The following RNF166 variants were observed in gnomAD, a reference collection of about 807,000 sequenced individuals.
The protein encoded by RNF166 is ring finger protein 166, also known as E3 ubiquitin-protein ligase RNF166.
RNF166 carries 19 observed loss-of-function variants against 29.4 expected under a neutral mutation model. That is an observed-to-expected ratio of 0.65 (90% confidence interval 0.45 to 0.95). The LOEUF is 0.95. Ranked by LOEUF, RNF166 falls within the 40% of genes least tolerant of loss-of-function variation. RNF166 has a pLI of 0.00. For missense variants in RNF166, 347 were observed against 322.1 expected (o/e 1.08, Z -0.59); for synonymous variants, 171 against 134.5 (o/e 1.27, Z -1.88).
intron 5 of RNF166, chr16:88,698,123 G>T: frequency 1.7e-6 from 1 of 588,308 alleles, no homozygotes; most frequent in Non-Finnish European, 3.0e-6. Flanking sequence ...TGCCTGACCC[G>T]CGGCGGGTGG....
At chr16:88,699,215 T>A (rs911313941) in intron 3 of RNF166, 130 bp from the exon 4 acceptor site, 1 of 708,730 alleles carries the variant, frequency 1.4e-6, no homozygotes, top group African/African-American at 1.7e-5. Context: ...AGTGGCTGGG[T>A]GCCCCCCGTG....
chr16:88,698,537 G>T lies in RNF166; in HGVS notation c.613C>A (p.Leu205Ile). 6.4e-7 allele frequency: 1 copy of T among 1,574,150 alleles called. No individual in the cohort carries two copies. Among genetic ancestry groups the T allele is most frequent in the Non-Finnish European group, 8.6e-7 (1 of 1,159,510 alleles). Residue 205 changes from leucine to isoleucine, a missense_variant, in exon 5 of 6, where the codon CTT (leucine) becomes ATT (isoleucine). Leu to Ile is a conservative substitution (Grantham distance 5). Transcript: ENST00000312838. ...TCGTAGGAGAACTTGTGTCGGTGAA[G>T]CAGGTGCTGCAGGAAGTTGGCGCTC... ...YKSANFLQHL[L>I]HRHKFSYDTF... is the part of the protein sequence containing the mutation.
chr16:88,704,367 C>T (rs1910556622), intron 1 of RNF166: 1 of 985,386 alleles, frequency 1.0e-6, no homozygotes, highest in Non-Finnish European at 1.2e-6. Context: ...GCAGGACCCG[C>T]GGTGAGACTA....
chr16:88,699,686 A>T lies in RNF166; in HGVS notation c.359T>A (p.Val120Asp). 1 of 1,613,382 alleles carries T rather than the reference A, an allele frequency of 6.2e-7. No individual in the cohort carries two copies. Among genetic ancestry groups the T allele is most frequent in the Non-Finnish European group, 8.5e-7 (1 of 1,179,882 alleles). Reference sequence around the variant, plus strand: ...GGGGCAGTTGGCCATCTGCTCCTGGACCTTCAGGCAGGACGAAATGTGCAC... The same window carrying T: ...GGGGCAGTTGGCCATCTGCTCCTGGTCCTTCAGGCAGGACGAAATGTGCAC... ...MRVHISSCLK[V>D]QEQMANCPKF... Residue 120 changes from valine to aspartate, a missense_variant, in exon 3 of 6, where the codon GTC becomes GAC. Physicochemically the swap from Val to Asp is radical, Grantham distance 152. Coordinates refer to ENST00000312838, the MANE Select transcript of RNF166 (RefSeq NM_178841.4).
chr16:88,700,994 C>T, intron 2 of RNF166: 1 of 1,351,416 alleles, frequency 7.4e-7, no homozygotes, highest in Non-Finnish European at 9.5e-7. Context: ...GGCCACAACC[C>T]ACGTGGGTTC....
At chr16:88,702,632 C>G (rs926265457) in intron 1 of RNF166, 9 of 931,818 alleles carry the variant, frequency 9.7e-6, no homozygotes, top group Non-Finnish European at 1.2e-5. Flanking sequence ...TTTGCCACCA[C>G]TGGATTCCCA....
intron 1 of RNF166, chr16:88,703,733 C>G: frequency 1.0e-6 from 1 of 985,494 alleles, no homozygotes; most frequent in Non-Finnish European, 1.2e-6. Flanking sequence ...CGTCGACAGC[C>G]TTACAAAGGG....
rs1243795083 is a variant in RNF166 at position 88,697,535 on chromosome 16, A to T, written c.*33T>A. ...CGACACAGGAGCGGGGACATCCCTGACCCCAGACGCAGGCGGGTGGCTGCG... is the reference window on the plus strand; with the variant it reads ...CGACACAGGAGCGGGGACATCCCTGTCCCCAGACGCAGGCGGGTGGCTGCG... On this transcript the variant is annotated 3_prime_UTR_variant, in exon 6 of 6. Coordinates refer to ENST00000312838, the MANE Select transcript of RNF166 (RefSeq NM_178841.4). The T allele has an allele frequency of 6.6e-7, 1 of 1,507,548 alleles. No homozygotes were observed. Among genetic ancestry groups the T allele is most frequent in the Non-Finnish European group, 9.0e-7 (1 of 1,110,952 alleles). The allele number at this position is 1,507,548 out of a possible 1,614,324, so 93.4% of individuals were successfully genotyped here.
chr16:88,700,509 C>T, intron 2 of RNF166: 1 of 764,552 alleles, frequency 1.3e-6, no homozygotes, highest in Non-Finnish European at 1.6e-6. Context: ...ACATCTGGAC[C>T]TTCGACCTCG....
chr16:88,703,379 G>A (rs1910461827), intron 1 of RNF166: 2 of 985,386 alleles, frequency 2.0e-6, no homozygotes, highest in African/African-American at 3.5e-5. Context: ...GGAAGGAAAA[G>A]GGTCCCAGGC....
Position 88,696,960 on chromosome 16 carries a change from A to T in RNF166, c.*608T>A, listed in dbSNP as rs543028371. Reference sequence around the variant, plus strand: ...CAATGCTTGTTTTGATTGTTTTCTTAAAAAATATAATTTTGTAAATGTTCC... The same window carrying T: ...CAATGCTTGTTTTGATTGTTTTCTTTAAAAATATAATTTTGTAAATGTTCC... On this transcript the variant is annotated 3_prime_UTR_variant, in exon 6 of 6. Coordinates refer to ENST00000312838, the MANE Select transcript of RNF166 (RefSeq NM_178841.4). The T allele has an allele frequency of 7.0e-5, 14 of 200,826 alleles. No homozygotes were observed. The highest frequency in any genetic ancestry group is 1.1e-4 in the Non-Finnish European group (11 of 96,742). 12.4% of individuals were successfully genotyped at this position (200,826 alleles called of 1,614,324 possible).
chr16:88,699,388 C>G (rs1304507659), intron 3 of RNF166, among the ~76,000 whole-genome samples: 2 of 152,236 alleles, frequency 1.3e-5, no homozygotes, highest in East Asian at 3.9e-4. Context: ...GGCCTGCGCC[C>G]TCCTCCTGCT....
At chr16:88,703,360 G>A (rs568105900) in intron 1 of RNF166, 186 of 985,454 alleles carry the variant, frequency 1.9e-4, no homozygotes, top group Admixed American at 3.7e-4. Context: ...GCACGGCCAC[G>A]GGCTGAGGGG....
Position 88,706,212 on chromosome 16 carries a change from C to T in RNF166, c.114G>A (p.Glu38=). The T allele has an allele frequency of 1.5e-6, 2 of 1,320,510 alleles. No homozygotes were observed. Among genetic ancestry groups the T allele is most frequent in the Non-Finnish European group, 1.9e-6 (2 of 1,030,278 alleles). 81.8% of individuals were successfully genotyped at this position (1,320,510 alleles called of 1,614,324 possible). The change falls in exon 1 of 6, where the codon GAG becomes GAA. Residue 38 remains glutamate (E), a synonymous_variant. Coordinates refer to ENST00000312838, the MANE Select transcript of RNF166 (RefSeq NM_178841.4). Reference sequence around the variant, plus strand: ...CGATGGCCACGGGCCGGTGATAGACCTCCAGGCAGATGGGGCAGGTGTACT... The same window carrying T: ...CGATGGCCACGGGCCGGTGATAGACTTCCAGGCAGATGGGGCAGGTGTACT... ...EAQYTCPICL[E]VYHRPVAIGS...
rs1265718107 is a variant in RNF166 at position 88,696,513 on chromosome 16, T to C, written c.*1055A>G. ...AGGCTGCTAGAGATGCTCTGAGACA[T>C]TTTATTTAAACTTTTTTTTTTAAAA... On this transcript the variant is annotated 3_prime_UTR_variant, in exon 6 of 6. Coordinates refer to ENST00000312838, the MANE Select transcript of RNF166 (RefSeq NM_178841.4). 2.3e-6 allele frequency: 1 copy of C among 428,144 alleles called. No individual in the cohort carries two copies. Among genetic ancestry groups the C allele is most frequent in the Non-Finnish European group, 4.6e-6 (1 of 219,148 alleles). The allele number at this position is 428,144 out of a possible 1,614,324, so 26.5% of individuals were successfully genotyped here. A position where few individuals can be genotyped will look rare whatever the true frequency, so the allele number is the denominator to read the frequency against.
chr16:88,699,667 G>A lies in RNF166; in HGVS notation c.378C>T (p.Asn126=). ...GCACCACGGGGACGAACTTGGGGCA[G>A]TTGGCCATCTGCTCCTGGACCTTCA... ...SCLKVQEQMA[N]CPKFVPVVPT... The change falls in exon 3 of 6, where the codon AAC becomes AAT. Residue 126 remains asparagine, a synonymous_variant. Coordinates refer to ENST00000312838, the MANE Select transcript of RNF166 (RefSeq NM_178841.4). The A allele has an allele frequency of 2.5e-6, 4 of 1,613,580 alleles. No individual in the cohort carries two copies. Among genetic ancestry groups the A allele is most frequent in the Non-Finnish European group, 3.4e-6 (4 of 1,179,914 alleles).
At chr16:88,703,271 C>T (rs747175066) in intron 1 of RNF166, 36 of 983,658 alleles carry the variant, frequency 3.7e-5, no homozygotes, top group Non-Finnish European at 3.4e-5. Flanking sequence ...TAATTGCAAA[C>T]ACACTGGAAA....
intron 1 of RNF166, chr16:88,703,985 G>C (rs1910523075): frequency 1.0e-6 from 1 of 985,372 alleles, no homozygotes; most frequent in African/African-American, 1.7e-5. Flanking sequence ...TGGTTACAGA[G>C]GTGGCTCACT....
Position 88,699,551 on chromosome 16 carries a change from C to A in RNF166, c.425+69G>T, listed in dbSNP as rs117489180. 9.4e-3 allele frequency: 12,010 copies of A among 1,282,954 alleles called. 93 individuals are homozygous for A. The highest frequency in any genetic ancestry group is 0.012 in the Non-Finnish European group (10,575 of 914,212). 79.5% of individuals were successfully genotyped at this position (1,282,954 alleles called of 1,614,324 possible). On this transcript the variant is annotated intron_variant, in intron 3 of 5. Transcript: ENST00000312838. ...CCCCCAGCCTCTCTGGGATGGGGCACTGCGCTTGCTCCCAGAACGAGGAAA... is the reference window on the plus strand; with the variant it reads ...CCCCCAGCCTCTCTGGGATGGGGCAATGCGCTTGCTCCCAGAACGAGGAAA...
Sources: gnomAD v4.1 joint callset for allele counts (sites outside exome capture counted in the v4.1 genomes callset) on GRCh38, gnomAD v4.1.1 for gene constraint, MANE v1.5 for transcripts, NCBI Gene and HGNC (gene_info 2026-07-23, HGNC 2026-07-21) for gene names.